Variants in PMM2 observed in about 807,000 individuals in gnomAD.
The protein encoded by PMM2 is phosphomannomutase 2.
Under a neutral mutation model 33.2 loss-of-function variants are expected in PMM2, and 35 were observed. The observed-to-expected ratio is 1.06, with a 90% CI of 0.81 to 1.40. The LOEUF is 1.40. Ranked by LOEUF, PMM2 falls within the 40% of genes most tolerant of loss-of-function variation. The pLI is 0.00. For missense variants in PMM2, 386 were observed against 306.0 expected, an observed-to-expected ratio of 1.26 and a Z score of -1.95; for synonymous variants, 153 against 114.7, an observed-to-expected ratio of 1.33 and a Z score of -2.13.
At chr16:8,838,688 C>T (rs1279757205) in intron 7 of PMM2, among the ~76,000 whole-genome samples, 2 of 151,806 alleles carry the variant, frequency 1.3e-5, no homozygotes, top group African/African-American at 4.8e-5. Flanking sequence ...ACAGAAGATC[C>T]AAGGTCCAAA....
chr16:8,843,954 G>A (rs62033504), intron 7 of PMM2, among the ~76,000 whole-genome samples: 30,812 of 151,804 alleles, frequency 0.2, 3,672 homozygotes, highest in Admixed American at 0.28. Context: ...GGACAGGCGG[G>A]AGGGAAAGAA....
Position 8,803,442 on chromosome 16 carries a change from C to G in PMM2, c.179-1325C>G, listed in dbSNP as rs541872281. Reference sequence around the variant, plus strand: ...AGTGTAGCATAGTGTCTGCACCTGTCAGAGACATGCAACAATAGAATCAAA... The same window carrying G: ...AGTGTAGCATAGTGTCTGCACCTGTGAGAGACATGCAACAATAGAATCAAA... On this transcript the variant is annotated intron_variant, in intron 2 of 7. Transcript: ENST00000268261. Among the ~76,000 whole-genome samples, 11 of 152,290 alleles carry G rather than the reference C, an allele frequency of 7.2e-5. No homozygotes were observed. In the South Asian group the frequency reaches 2.3e-3, roughly 32 times the overall value.
rs104894532 is a variant in PMM2 at position 8,797,908 on chromosome 16, G to T, written c.26G>T (p.Cys9Phe). MAAPGPAL[C>F]LFDVDGTLTA... Reference sequence around the variant, plus strand: ...ATGGCAGCGCCTGGCCCAGCGCTCTGCCTCTTCGACGTGGATGGGACCCTC... The same window carrying T: ...ATGGCAGCGCCTGGCCCAGCGCTCTTCCTCTTCGACGTGGATGGGACCCTC... The change falls in exon 1 of 8, where the codon TGC becomes TTC. Residue 9 changes from cysteine (C) to phenylalanine (F), a missense_variant. By Grantham distance (205) the Cys-to-Phe change is radical. Coordinates refer to ENST00000268261, the MANE Select transcript of PMM2 (RefSeq NM_000303.3). The T allele has an allele frequency of 8.7e-6, 14 of 1,611,204 alleles. No homozygotes were observed. Among genetic ancestry groups the T allele is most frequent in the African/African-American group, 1.3e-5 (1 of 74,916 alleles).
At position 8,848,811 on chromosome 16, in the gene PMM2, C is replaced by T. The variant is rs1452080926; in HGVS notation, c.*986C>T. 2.0e-5 allele frequency: 3 copies of T among 152,242 alleles called. No homozygotes were observed. The East Asian group carries it at 5.8e-4, about 29-fold the overall frequency. 9.4% of individuals were successfully genotyped at this position (152,242 alleles called of 1,614,324 possible). A position where few individuals can be genotyped will look rare whatever the true frequency, so the allele number is the denominator to read the frequency against. On this transcript the variant is annotated 3_prime_UTR_variant, in exon 8 of 8. Coordinates refer to ENST00000268261, the MANE Select transcript of PMM2 (RefSeq NM_000303.3). ...ATCTGCACTCACCCAGGCCTTCACC[C>T]AGACTTTACCACGGAGGCGGCTGAG... is the stretch of plus-strand genomic sequence containing the variant.
At chr16:8,844,532 G>A (rs1026670931) in intron 7 of PMM2, among the ~76,000 whole-genome samples, 5 of 152,016 alleles carry the variant, frequency 3.3e-5, no homozygotes, top group South Asian at 4.2e-4. Flanking sequence ...GTAGAGACAC[G>A]GAAAGAAGGG....
At chr16:8,820,351 C>CTTTTTTTTT (rs545958069) in intron 7 of PMM2, among the ~76,000 whole-genome samples, 17 of 133,132 alleles carry the variant, frequency 1.3e-4, no homozygotes, top group Admixed American at 3.7e-4. Flanking sequence ...CACAGTTCTT[C>CTTTTTTTTT]TTTTTTTTTT....
chr16:8,813,206 C>G, intron 7 of PMM2, 100 bp downstream of exon 7: 1 of 810,586 alleles, frequency 1.2e-6, no homozygotes, highest in Non-Finnish European at 2.2e-6. Context: ...CTTTACCCAC[C>G]CGCCCTGCTC....
chr16:8,799,458 C>T (rs1043708471), intron 1 of PMM2, among the ~76,000 whole-genome samples: 1 of 152,150 alleles, frequency 6.6e-6, no homozygotes, highest in South Asian at 2.1e-4. Context: ...TCAAGTTTGC[C>T]ATTTCCTATC....
In PMM2 at chr16:8,810,636, G is replaced by T. The variant is rs2060672063; in HGVS notation, c.348-443G>T. ...CTGTCACCCAGACTGGAGTGCAGTG[G>T]TGTGATCTCAGCTCACTATAACCCC... On this transcript the variant is annotated intron_variant, in intron 4 of 7. Coordinates refer to ENST00000268261, the MANE Select transcript of PMM2 (RefSeq NM_000303.3). 3 of 201,170 alleles carry T rather than the reference G, an allele frequency of 1.5e-5. No individual in the cohort carries two copies. The Admixed American group carries it at 1.7e-4, about 11-fold the overall frequency. The allele number at this position is 201,170 out of a possible 1,614,324, so 12.5% of individuals were successfully genotyped here. A position where few individuals can be genotyped will look rare whatever the true frequency, so the allele number is the denominator to read the frequency against.
intron 7 of PMM2, among the ~76,000 whole-genome samples, chr16:8,845,743 C>A (rs2060921316): frequency 6.6e-6 from 1 of 151,476 alleles, no homozygotes; most frequent in African/African-American, 2.4e-5. Flanking sequence ...TAGGTTGTGC[C>A]TTTGTTAGGT....
intron 1 of PMM2, among the ~76,000 whole-genome samples, chr16:8,800,665 C>CTTTTTTTTTTTTTT (rs35148703): frequency 5.0e-4 from 63 of 126,442 alleles, no homozygotes; most frequent in Non-Finnish European, 5.4e-4. Flanking sequence ...TAAGCTTCTC[C>CTTTTTTTTTTTTTT]TTTTTTTTTT....
chr16:8,841,834 G>A (rs2060892734), intron 7 of PMM2, among the ~76,000 whole-genome samples: 1 of 146,702 alleles, frequency 6.8e-6, no homozygotes, highest in Non-Finnish European at 1.5e-5. Flanking sequence ...AGGAACAATG[G>A]TAATTGTGGG....
chr16:8,814,043 T>A (rs1222062991), intron 7 of PMM2, among the ~76,000 whole-genome samples: 3 of 151,740 alleles, frequency 2.0e-5, no homozygotes, highest in African/African-American at 7.3e-5. Flanking sequence ...ATTTTTGTGT[T>A]TTTAGTAGAG....
chr16:8,832,457 GC>G, intron 7 of PMM2: 4 of 985,346 alleles, frequency 4.1e-6, no homozygotes, highest in African/African-American at 1.7e-5. Context: ...CTCCCCACCA[GC>G]CCCCAGCAGG....
At chr16:8,804,893 A>G (rs772786163) in intron 3 of PMM2, 50 bp downstream of exon 3, 8 of 1,179,474 alleles carry the variant, frequency 6.8e-6, no homozygotes, top group East Asian at 2.3e-5. Flanking sequence ...AGTGTTTTCT[A>G]AAAGGGCATT....
chr16:8,840,799 G>C (rs1262410776), intron 7 of PMM2, among the ~76,000 whole-genome samples: 1 of 151,922 alleles, frequency 6.6e-6, no homozygotes, highest in Non-Finnish European at 1.5e-5. Context: ...GGTCCATCGA[G>C]GTTGTAGAGT....
At chr16:8,812,254 C>T (rs1385654101) in intron 6 of PMM2, among the ~76,000 whole-genome samples, 1 of 152,160 alleles carries the variant, frequency 6.6e-6, no homozygotes, top group Non-Finnish European at 1.5e-5. Flanking sequence ...AGTGTGTGAA[C>T]GTTTCTGGTG....
Position 8,848,627 on chromosome 16 carries a change from G to C in PMM2, c.*802G>C, listed in dbSNP as rs544781401. On this transcript the variant is annotated 3_prime_UTR_variant, in exon 8 of 8. Coordinates refer to ENST00000268261, the MANE Select transcript of PMM2 (RefSeq NM_000303.3). Reference sequence around the variant, plus strand: ...GCAAAACAGTCCTTGCCCTGGGGCCGGTTCTTACCCAGGTCCAGAGAAACC... The same window carrying C: ...GCAAAACAGTCCTTGCCCTGGGGCCCGTTCTTACCCAGGTCCAGAGAAACC... 5.3e-5 allele frequency: 8 copies of C among 152,286 alleles called. No individual in the cohort carries two copies. Among genetic ancestry groups the C allele is most frequent in the African/African-American group, 1.7e-4 (7 of 41,464 alleles). The allele number at this position is 152,286 out of a possible 1,614,324, so 9.4% of individuals were successfully genotyped here. A position where few individuals can be genotyped will look rare whatever the true frequency, so the allele number is the denominator to read the frequency against.
In PMM2 at chr16:8,804,639, A is replaced by C. The variant is rs1414480753; in HGVS notation, c.179-128A>C. On this transcript the variant is annotated intron_variant, in intron 2 of 7. Transcript: ENST00000268261. ...TTCCATACTCTTCTCTTAGTCTGTA[A>C]GATGAGATAGTCTTTCACAGTCCTT... 7.0e-6 allele frequency: 5 copies of C among 717,732 alleles called. No individual in the cohort carries two copies. The African/African-American group carries it at 8.9e-5, about 13-fold the overall frequency. 44.5% of individuals were successfully genotyped at this position (717,732 alleles called of 1,614,324 possible). A position where few individuals can be genotyped will look rare whatever the true frequency, so the allele number is the denominator to read the frequency against.
Sources: allele counts gnomAD v4.1 joint callset (sites outside exome capture counted in the v4.1 genomes callset), GRCh38; gene constraint gnomAD v4.1.1; transcripts MANE v1.5; gene names NCBI Gene and HGNC (gene_info 2026-07-23, HGNC 2026-07-21).